The following RPH3A variants were observed in gnomAD, a reference collection of about 807,000 sequenced individuals.
The protein encoded by RPH3A is rabphilin 3A, also known as rabphilin-3A.
RPH3A carries 48 observed loss-of-function variants against 102.2 expected under a neutral mutation model. The observed-to-expected ratio is 0.47, with a 90% CI of 0.37 to 0.60. RPH3A has a LOEUF of 0.60. Among genes scored for constraint, RPH3A ranks in the 20% least tolerant of loss-of-function variants. RPH3A has a pLI of 0.00. For missense variants in RPH3A, 781 were observed against 910.1 expected (o/e 0.86, Z 1.83); for synonymous variants, 310 against 324.3 (o/e 0.96, Z 0.47).
At chr12:112,747,624 A>G (rs1176872842) in intron 1 of RPH3A, among the ~76,000 whole-genome samples, 1 of 152,126 alleles carries the variant, frequency 6.6e-6, no homozygotes, top group African/African-American at 2.4e-5. Flanking sequence ...GAGTAAATGA[A>G]TCAATAGTAG....
At chr12:112,735,977 C>T (rs1254859180) in intron 1 of RPH3A, among the ~76,000 whole-genome samples, 2 of 152,164 alleles carry the variant, frequency 1.3e-5, no homozygotes, top group Non-Finnish European at 2.9e-5. Flanking sequence ...TCTAAACGTG[C>T]CTTGCCCTTT....
intron 1 of RPH3A, among the ~76,000 whole-genome samples, chr12:112,638,295 T>A (rs2039862082): frequency 6.6e-6 from 1 of 152,158 alleles, no homozygotes; most frequent in Non-Finnish European, 1.5e-5. Flanking sequence ...ATGAGCCAAA[T>A]AGCCCTTTTT....
At chr12:112,670,725 C>T (rs58294054) in intron 1 of RPH3A, among the ~76,000 whole-genome samples, 3,069 of 152,180 alleles carry the variant, frequency 0.02, 105 homozygotes, top group African/African-American at 0.069. Context: ...ATCTGCTTCA[C>T]GCAGTGTTTA....
chr12:112,629,839 G>T (rs935788889), intron 1 of RPH3A, among the ~76,000 whole-genome samples: 1 of 152,072 alleles, frequency 6.6e-6, no homozygotes, highest in African/African-American at 2.4e-5. Flanking sequence ...TAGGCACAGT[G>T]CTAACATCTT....
chr12:112,602,796 GA>G (rs1160802503), intron 1 of RPH3A, among the ~76,000 whole-genome samples: 1 of 150,540 alleles, frequency 6.6e-6, no homozygotes, highest in Non-Finnish European at 1.5e-5. Flanking sequence ...TATTAAAAGA[GA>G]GAAAAAAAAA....
chr12:112,658,335 C>G (rs540699252), intron 1 of RPH3A, among the ~76,000 whole-genome samples: 26 of 152,170 alleles, frequency 1.7e-4, no homozygotes, highest in African/African-American at 5.5e-4. Flanking sequence ...TGCCACCATG[C>G]CTGGCTAATT....
At chr12:112,683,731 C>T (rs565277015) in intron 1 of RPH3A, among the ~76,000 whole-genome samples, 9 of 152,160 alleles carry the variant, frequency 5.9e-5, no homozygotes, top group East Asian at 5.8e-4. Flanking sequence ...TTGTTGATGA[C>T]GGCCCTGGGG....
At position 112,854,749 on chromosome 12, in the gene RPH3A, C is replaced by A. The variant is rs187798957; in HGVS notation, c.230+6907C>A. ...TGCTTTACAGCTGAGTAAACTGAAGCTCAGGGAAGTTAAGCCACTTGCCCA... is the reference window on the plus strand; with the variant it reads ...TGCTTTACAGCTGAGTAAACTGAAGATCAGGGAAGTTAAGCCACTTGCCCA... On this transcript the variant is annotated intron_variant, in intron 5 of 21. Coordinates refer to ENST00000389385, the MANE Select transcript of RPH3A (RefSeq NM_001143854.2). 5.9e-5 allele frequency among the ~76,000 whole-genome samples: 9 copies of A among 152,328 alleles called. No individual in the cohort carries two copies. The East Asian group carries it at 1.7e-3, about 29-fold the overall frequency.
chr12:112,879,384 C>T (rs557580284), intron 14 of RPH3A, among the ~76,000 whole-genome samples, 186 bp downstream of exon 14: 2 of 152,334 alleles, frequency 1.3e-5, no homozygotes, highest in East Asian at 1.9e-4. Context: ...CTCCAGGGAT[C>T]GTCCCAGAGG....
intron 1 of RPH3A, among the ~76,000 whole-genome samples, chr12:112,713,488 G>A (rs1447888400): frequency 2.0e-5 from 3 of 151,616 alleles, no homozygotes; most frequent in South Asian, 2.1e-4. Context: ...TCTTTTTCCC[G>A]ACCATCAAGC....
chr12:112,853,551 G>C (rs953129059), intron 5 of RPH3A, among the ~76,000 whole-genome samples: 1 of 152,160 alleles, frequency 6.6e-6, no homozygotes, highest in Non-Finnish European at 1.5e-5. Context: ...AAATATGGTT[G>C]GGCATAGTGG....
intron 1 of RPH3A, among the ~76,000 whole-genome samples, chr12:112,576,854 TA>T (rs2039362927): frequency 6.6e-6 from 1 of 151,032 alleles, no homozygotes; most frequent in African/African-American, 2.4e-5. Context: ...TTTTTTTTTT[TA>T]AATTATTGTA....
intron 2 of RPH3A, among the ~76,000 whole-genome samples, chr12:112,796,986 G>A (rs1028496699): frequency 6.6e-6 from 1 of 151,992 alleles, no homozygotes; most frequent in Non-Finnish European, 1.5e-5. Context: ...GGAGATAGAG[G>A]TTACAGTGAG....
At chr12:112,839,753 C>A (rs183617435) in intron 4 of RPH3A, among the ~76,000 whole-genome samples, 1 of 152,070 alleles carries the variant, frequency 6.6e-6, no homozygotes, top group South Asian at 2.1e-4. Context: ...TTTGGGAGGC[C>A]GAGATAGGCA....
intron 1 of RPH3A, among the ~76,000 whole-genome samples, chr12:112,737,068 T>G (rs1053944771): frequency 1.3e-5 from 2 of 149,222 alleles, no homozygotes; most frequent in African/African-American, 5.0e-5. Flanking sequence ...GGTGGAAGGA[T>G]GGCTTGAGCC....
At chr12:112,735,751 C>G (rs1333031408) in intron 1 of RPH3A, among the ~76,000 whole-genome samples, 2 of 152,148 alleles carry the variant, frequency 1.3e-5, no homozygotes, top group Non-Finnish European at 2.9e-5. Context: ...GTCTTCCCCA[C>G]CTCCCCCCAA....
intron 1 of RPH3A, among the ~76,000 whole-genome samples, chr12:112,697,398 A>G (rs1346548405): frequency 1.3e-5 from 2 of 152,218 alleles, no homozygotes; most frequent in Admixed American, 1.3e-4. Context: ...AAAGCTTAGA[A>G]ACAGACATAA....
intron 13 of RPH3A, 29 bp from the exon 14 acceptor site, chr12:112,879,090 A>T: frequency 3.2e-6 from 5 of 1,574,746 alleles, no homozygotes; most frequent in Non-Finnish European, 4.4e-6. Context: ...AATATTCGTT[A>T]TCTTGGTTCC....
intron 1 of RPH3A, among the ~76,000 whole-genome samples, chr12:112,615,994 A>G (rs1425412640): frequency 6.6e-6 from 1 of 152,080 alleles, no homozygotes; most frequent in African/African-American, 2.4e-5. Context: ...CCTCTGTGGC[A>G]TCAACCCTCA....
Sources: allele counts gnomAD v4.1 joint callset (sites outside exome capture counted in the v4.1 genomes callset), GRCh38; gene constraint gnomAD v4.1.1; transcripts MANE v1.5; gene names NCBI Gene and HGNC (gene_info 2026-07-23, HGNC 2026-07-21).